The following U2AF2 variants were observed in gnomAD, a reference collection of about 807,000 sequenced individuals.
The protein encoded by U2AF2 is splicing factor U2AF 65 kDa subunit.
A neutral mutation model predicts 52.6 loss-of-function variants in U2AF2; 6 were observed. That is an observed-to-expected ratio of 0.11 (90% CI 0.06 to 0.23). U2AF2 has a LOEUF of 0.23. Ranked by LOEUF, U2AF2 falls within the 10% of genes least tolerant of loss-of-function variation. The probability of loss-of-function intolerance (pLI) is 1.00; values close to 1 mark genes in which losing one functional copy is unlikely to be tolerated. For synonymous variants in U2AF2, 284 were observed against 258.2 expected, an observed-to-expected ratio of 1.10 and a Z score of -0.96; for missense variants, 222 against 677.1, an observed-to-expected ratio of 0.33 and a Z score of 7.46.
chr19:55,667,837 G>A (rs1600081322), intron 7 of U2AF2, among the ~76,000 whole-genome samples: 1 of 151,466 alleles, frequency 6.6e-6, no homozygotes, highest in Non-Finnish European at 1.5e-5. Flanking sequence ...TCAGGCTGGA[G>A]TGCAGTGGAG....
chr19:55,655,261 G>A (rs1600065705), intron 1 of U2AF2, 108 bp downstream of exon 1: 5 of 1,261,276 alleles, frequency 4.0e-6, no homozygotes, highest in South Asian at 2.7e-5. Context: ...GCCGCGCGGC[G>A]CCCCCCAACC....
At chr19:55,666,046 A>T (rs926587236) in intron 7 of U2AF2, among the ~76,000 whole-genome samples, 2 of 152,116 alleles carry the variant, frequency 1.3e-5, no homozygotes, top group Non-Finnish European at 2.9e-5. Flanking sequence ...GGGAATAGGA[A>T]CCGTGGGTTA....
At chr19:55,672,108 G>GA (rs1317676373) in intron 11 of U2AF2, 6 of 150,088 alleles carry the variant, frequency 4.0e-5, no homozygotes, top group Non-Finnish European at 1.5e-5. Context: ...CAGCCTGGGT[G>GA]ACAGAGCAAG....
In U2AF2 at chr19:55,655,063, G is replaced by A; in HGVS notation, c.-42G>A. On this transcript the variant is annotated 5_prime_UTR_variant, in exon 1 of 12. Transcript: ENST00000308924. ...CGAAGCGGCTGGAGCGGGCGGCAAG[G>A]CGAGGCGAAAGCTGCACAGGGCCCT... is the stretch of plus-strand genomic sequence containing the variant. The A allele has an allele frequency of 1.2e-6, 2 of 1,603,786 alleles. No homozygotes were observed. Among genetic ancestry groups the A allele is most frequent in the Middle Eastern group, 3.4e-4 (2 of 5,826 alleles).
chr19:55,660,407 C>T (rs538252067), intron 3 of U2AF2, 109 bp from the exon 4 acceptor site: 31 of 1,111,606 alleles, frequency 2.8e-5, no homozygotes, highest in South Asian at 8.8e-5. Context: ...GAGAGTGGAG[C>T]TTACATGGTT....
At chr19:55,658,350 C>T (rs994888555) in intron 1 of U2AF2, among the ~76,000 whole-genome samples, 1 of 135,668 alleles carries the variant, frequency 7.4e-6, no homozygotes, top group African/African-American at 2.7e-5. Context: ...GGTCTCTCTT[C>T]AGGGGTTGAA....
At position 55,658,023 on chromosome 19, in the gene U2AF2, G is replaced by A. The variant is rs1047459362; in HGVS notation, c.50-1187G>A. ...CTGCTGGGTGCATATTTTTCTGAGT[G>A]TTGGTGGTTTTGGAATTGTGATGCT... is the stretch of plus-strand genomic sequence containing the variant. On this transcript the variant is annotated intron_variant, in intron 1 of 11. Transcript: ENST00000308924. Among the ~76,000 whole-genome samples, 3 of 152,158 alleles carry A rather than the reference G, an allele frequency of 2.0e-5. No individual in the cohort carries two copies. In the East Asian group the frequency reaches 5.8e-4, roughly 29 times the overall value.
At chr19:55,673,257 A>C (rs1306094065) in intron 11 of U2AF2, among the ~76,000 whole-genome samples, 1 of 151,506 alleles carries the variant, frequency 6.6e-6, no homozygotes. Flanking sequence ...AAGGATCCAT[A>C]TCAGGTCCCT....
At chr19:55,669,940 G>A (rs1176185619) in intron 11 of U2AF2, among the ~76,000 whole-genome samples, 1 of 152,218 alleles carries the variant, frequency 6.6e-6, no homozygotes, top group Non-Finnish European at 1.5e-5. Context: ...CCCAAGACCT[G>A]CAGGCGAGAC....
At position 55,668,291 on chromosome 19, in the gene U2AF2, C is replaced by T. The variant is rs923860448; in HGVS notation, c.743-216C>T. On this transcript the variant is annotated intron_variant, in intron 7 of 11. Transcript: ENST00000308924. This position sits in a 1 kb window ranked among gnomAD's most constrained non-coding sequence, Gnocchi z 5.5. ...CCTGAGGCTGGGCAGATTTGGGAGA[C>T]ATGGTGCGTTCTCCCCGAGGAGCCT... 1.3e-5 allele frequency among the ~76,000 whole-genome samples: 2 copies of T among 152,112 alleles called. No homozygotes were observed. The highest frequency in any genetic ancestry group is 1.5e-5 in the Non-Finnish European group (1 of 68,016).
At position 55,668,851 on chromosome 19, in the gene U2AF2, C is replaced by T. The variant is rs1984704314; in HGVS notation, c.945+59C>T. Reference sequence around the variant, plus strand: ...GTCCTTCCCTGCCCTGCGCTGTTGCCAAGCCATGGTCTCCCCTCCTCAGGG... The same window carrying T: ...GTCCTTCCCTGCCCTGCGCTGTTGCTAAGCCATGGTCTCCCCTCCTCAGGG... On this transcript the variant is annotated intron_variant, in intron 9 of 11. Transcript: ENST00000308924. The surrounding 1 kb of genome is among the most constrained non-coding windows in gnomAD (Gnocchi z 5.5). 2 of 1,573,026 alleles carry T rather than the reference C, an allele frequency of 1.3e-6. No individual in the cohort carries two copies. Among genetic ancestry groups the T allele is most frequent in the Non-Finnish European group, 1.7e-6 (2 of 1,155,794 alleles).
Position 55,668,379 on chromosome 19 carries a change from C to A in U2AF2, c.743-128C>A. On this transcript the variant is annotated intron_variant, in intron 7 of 11. Coordinates refer to ENST00000308924, the MANE Select transcript of U2AF2 (RefSeq NM_007279.3). The surrounding 1 kb of genome is among the most constrained non-coding windows in gnomAD (Gnocchi z 5.5). ...AGGCTGGGGTGGGGTGGGCACGTGG[C>A]GACCCCTCCCTCGTCAGATCAGGCA... 1 of 917,490 alleles carries A rather than the reference C, an allele frequency of 1.1e-6. No homozygotes were observed. Among genetic ancestry groups the A allele is most frequent in the East Asian group, 2.8e-5 (1 of 35,844 alleles). 56.8% of individuals were successfully genotyped at this position (917,490 alleles called of 1,614,324 possible).
At chr19:55,659,997 C>T (rs895965779) in intron 2 of U2AF2, among the ~76,000 whole-genome samples, 180 bp from the exon 3 acceptor site, 2 of 152,006 alleles carry the variant, frequency 1.3e-5, no homozygotes. Flanking sequence ...CTCACTTCCT[C>T]TTTCCTGGGG....
At chr19:55,660,248 C>A in intron 3 of U2AF2, 27 bp downstream of exon 3, 10 of 1,609,412 alleles carry the variant, frequency 6.2e-6, no homozygotes, top group Non-Finnish European at 8.5e-6. Context: ...GCCCCTTCCT[C>A]CCTGATGTCC....
chr19:55,664,706 A>G (rs536040521), intron 7 of U2AF2, among the ~76,000 whole-genome samples: 12 of 152,094 alleles, frequency 7.9e-5, no homozygotes, highest in Non-Finnish European at 1.6e-4. Context: ...ACTGGCCTCC[A>G]GTGCTTTTCT....
In U2AF2 at chr19:55,668,067, C is replaced by T. The variant is rs1984658586; in HGVS notation, c.743-440C>T. Among the ~76,000 whole-genome samples, 1 of 152,084 alleles carries T rather than the reference C, an allele frequency of 6.6e-6. No individual in the cohort carries two copies. Among genetic ancestry groups the T allele is most frequent in the South Asian group, 2.1e-4 (1 of 4,826 alleles). On this transcript the variant is annotated intron_variant, in intron 7 of 11. Transcript: ENST00000308924. The surrounding 1 kb of genome is among the most constrained non-coding windows in gnomAD (Gnocchi z 5.5). ...AAAGTGCTGAGATTACAGGCGTGAG[C>T]CCCCGCGCCCGGCCGGGACTGAGCT...
intron 6 of U2AF2, among the ~76,000 whole-genome samples, chr19:55,662,828 GC>G (rs1300502780): frequency 6.6e-6 from 1 of 152,072 alleles, no homozygotes; most frequent in African/African-American, 2.4e-5. Flanking sequence ...GACCTGAGAG[GC>G]CTGTTTGGCC....
intron 1 of U2AF2, among the ~76,000 whole-genome samples, chr19:55,655,627 G>A (rs1331582511): frequency 6.6e-6 from 1 of 152,238 alleles, no homozygotes; most frequent in Non-Finnish European, 1.5e-5. Flanking sequence ...ACTTGGTGGG[G>A]GGGCCCCTTT....
At position 55,668,799 on chromosome 19, in the gene U2AF2, C is replaced by T. The variant is rs1248980772; in HGVS notation, c.945+7C>T. 4 of 1,607,804 alleles carry T rather than the reference C, an allele frequency of 2.5e-6. No individual in the cohort carries two copies. The highest frequency in any genetic ancestry group is 2.7e-5 in the African/African-American group (2 of 74,814). On this transcript the variant is annotated splice_region_variant and intron_variant, in intron 9 of 11. Coordinates refer to ENST00000308924, the MANE Select transcript of U2AF2 (RefSeq NM_007279.3). This position sits in a 1 kb window ranked among gnomAD's most constrained non-coding sequence, Gnocchi z 5.5. ...CATCAACGTCACGGATCAGGTGAGT[C>T]CCCGGTCGCTGGCCGCTGCCGCGTC...
Sources: allele counts gnomAD v4.1 joint callset (sites outside exome capture counted in the v4.1 genomes callset), GRCh38; gene constraint gnomAD v4.1.1; non-coding constraint Gnocchi (gnomAD v3.1); transcripts MANE v1.5; gene names NCBI Gene and HGNC (gene_info 2026-07-23, HGNC 2026-07-21).